The following MECOM variants were observed in gnomAD, a reference collection of about 807,000 sequenced individuals.
The protein encoded by MECOM is MDS1 and EVI1 complex locus, also known as histone-lysine N-methyltransferase MECOM.
MECOM carries 13 observed loss-of-function variants against 116.3 expected under a neutral mutation model. The ratio of observed to expected loss-of-function variants is 0.11; its 90% CI spans 0.07 to 0.18. MECOM has a LOEUF of 0.18. Among genes scored for constraint, MECOM ranks in the 10% least tolerant of loss-of-function variants. MECOM has a pLI of 1.00. For missense variants in MECOM, 1,299 were observed against 1,509.0 expected, an observed-to-expected ratio of 0.86 and a Z score of 2.31; for synonymous variants, 528 against 535.2, an observed-to-expected ratio of 0.99 and a Z score of 0.19.
At chr3:169,515,847 T>C (rs1242475251) in intron 1 of MECOM, among the ~76,000 whole-genome samples, 2 of 152,238 alleles carry the variant, frequency 1.3e-5, no homozygotes, top group Non-Finnish European at 2.9e-5. Flanking sequence ...ATTCAACATG[T>C]ATTAACATTG....
intron 1 of MECOM, among the ~76,000 whole-genome samples, chr3:169,545,901 T>A (rs989094185): frequency 1.3e-5 from 2 of 152,200 alleles, no homozygotes; most frequent in African/African-American, 4.8e-5. Context: ...TCTCTTTTTT[T>A]TTCTTTTTCT....
At chr3:169,126,485 C>G (rs1452103789) in intron 5 of MECOM, among the ~76,000 whole-genome samples, 2 of 151,978 alleles carry the variant, frequency 1.3e-5, no homozygotes, top group African/African-American at 4.8e-5. Flanking sequence ...AAGGGACATG[C>G]TGTGGCTTTT....
intron 1 of MECOM, among the ~76,000 whole-genome samples, chr3:169,432,036 G>T (rs1311788389): frequency 3.3e-5 from 5 of 151,284 alleles, no homozygotes; most frequent in African/African-American, 9.7e-5. Context: ...CAAACTACAT[G>T]TGTCTACAAA....
chr3:169,175,254 A>G (rs1192500586), intron 2 of MECOM, among the ~76,000 whole-genome samples: 1 of 152,140 alleles, frequency 6.6e-6, no homozygotes, highest in Non-Finnish European at 1.5e-5. Context: ...CTACAAGTTG[A>G]GCATTCCTAA....
chr3:169,141,946 T>C (rs749376702), intron 3 of MECOM, among the ~76,000 whole-genome samples: 3 of 152,024 alleles, frequency 2.0e-5, no homozygotes, highest in Non-Finnish European at 4.4e-5. Flanking sequence ...TCTGATTCTT[T>C]AGTCAAAATA....
chr3:169,284,316 G>A (rs1712805172), intron 2 of MECOM, among the ~76,000 whole-genome samples: 1 of 152,168 alleles, frequency 6.6e-6, no homozygotes, highest in African/African-American at 2.4e-5. Context: ...CTCCTTCGTG[G>A]TCTTGGGAAT....
intron 1 of MECOM, among the ~76,000 whole-genome samples, chr3:169,636,351 T>C (rs1335960618): frequency 6.6e-6 from 1 of 152,232 alleles, no homozygotes; most frequent in Non-Finnish European, 1.5e-5. Context: ...TTAATTTGCA[T>C]GACAAACATG....
At chr3:169,165,734 G>T (rs1417543824) in intron 2 of MECOM, among the ~76,000 whole-genome samples, 1 of 152,130 alleles carries the variant, frequency 6.6e-6, no homozygotes, top group Non-Finnish European at 1.5e-5. Context: ...AGATAAACAA[G>T]AAGGTAGAGG....
At position 169,663,322 on chromosome 3, in the gene MECOM, G is replaced by T; in HGVS notation, c.37+14C>A. The T allele has an allele frequency of 1.2e-6, 2 of 1,606,846 alleles. No individual in the cohort carries two copies. Among genetic ancestry groups the T allele is most frequent in the African/African-American group, 1.3e-5 (1 of 74,938 alleles). On this transcript the variant is annotated intron_variant, in intron 1 of 16. Transcript: ENST00000651503. ...GAGGGGGAAAAGCCAATAGAAAAGG[G>T]ATATTGCACCTACTTGTGGCCAGTT...
intron 2 of MECOM, among the ~76,000 whole-genome samples, chr3:169,343,116 T>C (rs1485439802): frequency 6.6e-6 from 1 of 152,202 alleles, no homozygotes; most frequent in African/African-American, 2.4e-5. Flanking sequence ...ATGGATGTTC[T>C]GTAACCTTTT....
At chr3:169,536,915 G>A (rs1161933291) in intron 1 of MECOM, among the ~76,000 whole-genome samples, 4 of 151,992 alleles carry the variant, frequency 2.6e-5, no homozygotes, top group Non-Finnish European at 5.9e-5. Flanking sequence ...TATTATTTTT[G>A]TTGTTCTTAT....
chr3:169,663,527 T>TCC lies in MECOM; in HGVS notation c.-156_-155insGG, dbSNP rs1553910819. 4.2e-5 allele frequency: 22 copies of TCC among 523,764 alleles called. No homozygotes were observed. The highest frequency in any genetic ancestry group is 1.4e-4 in the Admixed American group (4 of 28,368). 32.4% of individuals were successfully genotyped at this position (523,764 alleles called of 1,614,324 possible). ...CTCTCTCTCTCTCTCTCTCTCTCTCTCTCCCTCCCTCCTGTTTCTCTCCTG... is the reference window on the plus strand; with the variant it reads ...CTCTCTCTCTCTCTCTCTCTCTCTCTCCCTCCCTCCCTCCTGTTTCTCTCCTG... On this transcript the variant is annotated 5_prime_UTR_variant, in exon 1 of 17. Transcript: ENST00000651503.
chr3:169,393,962 G>A (rs1478223910), intron 1 of MECOM, among the ~76,000 whole-genome samples: 1 of 151,990 alleles, frequency 6.6e-6, no homozygotes, highest in East Asian at 1.9e-4. Flanking sequence ...AACCATGACT[G>A]CTCATGAGAA....
chr3:169,337,987 T>C (rs1360660245), intron 2 of MECOM, among the ~76,000 whole-genome samples: 6 of 152,210 alleles, frequency 3.9e-5, no homozygotes, highest in Non-Finnish European at 8.8e-5. Flanking sequence ...TTCAAAAGCC[T>C]ATTCCCTTTA....
chr3:169,532,316 C>T (rs565318336), intron 1 of MECOM, among the ~76,000 whole-genome samples: 8 of 152,294 alleles, frequency 5.3e-5, no homozygotes, highest in South Asian at 4.1e-4. Flanking sequence ...AGAACCACCA[C>T]TCTCAAGCCA....
chr3:169,549,725 T>C (rs1761147601), intron 1 of MECOM, among the ~76,000 whole-genome samples: 1 of 152,184 alleles, frequency 6.6e-6, no homozygotes, highest in Non-Finnish European at 1.5e-5. Context: ...GTAGTTCAAA[T>C]TAAAACCCAG....
chr3:169,157,045 A>G (rs1044046824), intron 2 of MECOM, among the ~76,000 whole-genome samples: 8 of 152,210 alleles, frequency 5.3e-5, no homozygotes, highest in African/African-American at 1.9e-4. Context: ...GTTCCAGATG[A>G]ATTAACTCAT....
At chr3:169,169,692 G>C (rs896686579) in intron 2 of MECOM, among the ~76,000 whole-genome samples, 5 of 152,150 alleles carry the variant, frequency 3.3e-5, no homozygotes, top group Non-Finnish European at 7.4e-5. Flanking sequence ...CAGATAGTGA[G>C]AGCAAGAAGT....
chr3:169,578,964 C>A (rs1361717841), intron 1 of MECOM, among the ~76,000 whole-genome samples: 1 of 152,178 alleles, frequency 6.6e-6, no homozygotes, highest in Non-Finnish European at 1.5e-5. Context: ...GTGTTGAAAG[C>A]TAGGGCAATA....
Sources: allele counts gnomAD v4.1 joint callset (sites outside exome capture counted in the v4.1 genomes callset), GRCh38; gene constraint gnomAD v4.1.1; transcripts MANE v1.5; gene names NCBI Gene and HGNC (gene_info 2026-07-23, HGNC 2026-07-21).